PDE1C: variants seen among roughly 807,000 people sequenced by gnomAD.
PDE1C encodes the protein phosphodiesterase 1C, also known as dual specificity calcium/calmodulin-dependent 3',5'-cyclic nucleotide phosphodiesterase 1C.
In PDE1C, 62 loss-of-function variants were observed where a neutral mutation model predicts 93.1. The ratio of observed to expected loss-of-function variants is 0.67; its 90% CI spans 0.54 to 0.82. The LOEUF is 0.82. PDE1C is among the 40% of genes least tolerant of loss of function. The pLI, the probability that PDE1C is intolerant of heterozygous loss-of-function variation, is 0.00. For synonymous variants in PDE1C, 325 were observed against 310.1 expected, an observed-to-expected ratio of 1.05 and a Z score of -0.50; for missense variants, 742 against 884.6, an observed-to-expected ratio of 0.84 and a Z score of 2.04.
intron 16 of PDE1C, among the ~76,000 whole-genome samples, chr7:31,794,478 C>T (rs936814379): frequency 3.3e-5 from 5 of 151,954 alleles, no homozygotes; most frequent in African/African-American, 1.2e-4. Context: ...TTAGCATGTT[C>T]TTTCTTTCCA....
intron 1 of PDE1C, among the ~76,000 whole-genome samples, chr7:32,401,063 C>T (rs1784933799): frequency 6.6e-6 from 1 of 152,206 alleles, no homozygotes; most frequent in Non-Finnish European, 1.5e-5. Context: ...ATGGTCATAA[C>T]CTTCTTTGCA....
chr7:32,171,810 G>C (rs1197711654), intron 2 of PDE1C, among the ~76,000 whole-genome samples: 1 of 149,268 alleles, frequency 6.7e-6, no homozygotes, highest in Non-Finnish European at 1.5e-5. Flanking sequence ...CTTGGAAATA[G>C]AGGGACTAGC....
intron 2 of PDE1C, among the ~76,000 whole-genome samples, chr7:32,203,588 A>G (rs1315926250): frequency 6.6e-6 from 1 of 152,056 alleles, no homozygotes; most frequent in East Asian, 1.9e-4. Flanking sequence ...ATTTCCAAAA[A>G]TACCTGGATT....
At position 32,048,693 on chromosome 7, in the gene PDE1C, C is replaced by G. The variant is rs570535883; in HGVS notation, c.128+2861G>C. Among the ~76,000 whole-genome samples the G allele has an allele frequency of 1.1e-3, 173 of 152,178 alleles. 2 individuals carry two copies. The highest frequency in any genetic ancestry group is 0.011 in the Admixed American group (171 of 15,280). On this transcript the variant is annotated intron_variant, in intron 2 of 17. Transcript: ENST00000396191. ...AATTCCTGACCTGCAAAATTATGAG[C>G]AGAATAAAAGTTATTTTAAGCCACT...
intron 3 of PDE1C, among the ~76,000 whole-genome samples, chr7:32,115,871 C>T (rs1397734910): frequency 6.6e-5 from 10 of 152,154 alleles, no homozygotes; most frequent in Admixed American, 5.2e-4. Context: ...GGCAAGAATT[C>T]TACCCCCAGT....
intron 3 of PDE1C, among the ~76,000 whole-genome samples, chr7:32,159,658 G>A (rs1437651952): frequency 6.6e-6 from 1 of 152,144 alleles, no homozygotes; most frequent in African/African-American, 2.4e-5. Context: ...TAAGGGAGGA[G>A]AAGTAGAAAG....
chr7:31,988,833 A>G (rs535546511), intron 2 of PDE1C, among the ~76,000 whole-genome samples: 51 of 152,182 alleles, frequency 3.4e-4, no homozygotes, highest in African/African-American at 1.2e-3. Flanking sequence ...TGTCTCTACT[A>G]AAAATACAAA....
chr7:32,282,705 C>G (rs930897500), intron 1 of PDE1C, among the ~76,000 whole-genome samples: 1 of 151,204 alleles, frequency 6.6e-6, no homozygotes, highest in Non-Finnish European at 1.5e-5. Flanking sequence ...CTCAGCCTCC[C>G]GAGTAGCTGG....
At chr7:31,658,184 G>C in the PDE1C span, 1 of 1,190,978 alleles carries the variant, frequency 8.4e-7, no homozygotes, top group East Asian at 2.6e-5. Flanking sequence ...ATTTGTGTAA[G>C]GATATTCGTT....
chr7:32,210,950 C>T (rs1366517162), intron 1 of PDE1C, among the ~76,000 whole-genome samples: 1 of 152,196 alleles, frequency 6.6e-6, no homozygotes, highest in African/African-American at 2.4e-5. Context: ...GCGCGGGTGG[C>T]TCACGCCTGT....
At chr7:31,660,512 C>A in the PDE1C span, among the ~76,000 whole-genome samples, 22 of 85,798 alleles carry the variant, frequency 2.6e-4, 2 homozygotes, top group South Asian at 0.01. Context: ...GTGTTCCTCT[C>A]CCATTTTTTT....
chr7:32,226,424 G>A (rs1204284954), intron 1 of PDE1C, among the ~76,000 whole-genome samples: 1 of 152,188 alleles, frequency 6.6e-6, no homozygotes, highest in Non-Finnish European at 1.5e-5. Context: ...TTAATCTCTT[G>A]GACAAACACT....
chr7:31,753,695 C>A, intron 17 of PDE1C, 142 bp from the exon 18 acceptor site: 3 of 1,254,060 alleles, frequency 2.4e-6, no homozygotes, highest in Non-Finnish European at 2.1e-6. Context: ...TCCCTGGAAA[C>A]CTTATGGCAG....
chr7:32,201,719 C>T (rs1805025841), intron 2 of PDE1C, among the ~76,000 whole-genome samples: 1 of 152,200 alleles, frequency 6.6e-6, no homozygotes, highest in Non-Finnish European at 1.5e-5. Flanking sequence ...CCAGGAGCAG[C>T]ATGGGCAAAG....
chr7:32,363,526 A>G (rs1481563034), intron 1 of PDE1C, among the ~76,000 whole-genome samples: 3 of 152,250 alleles, frequency 2.0e-5, no homozygotes, highest in Admixed American at 1.3e-4. Flanking sequence ...GTCAGGCTGA[A>G]TCTCAAAATG....
At chr7:31,721,481 C>A in the PDE1C span, among the ~76,000 whole-genome samples, 1 of 152,140 alleles carries the variant, frequency 6.6e-6, no homozygotes, top group Non-Finnish European at 1.5e-5. Flanking sequence ...GTACTGGCTA[C>A]TGCATTGGGC....
intron 2 of PDE1C, among the ~76,000 whole-genome samples, chr7:31,884,103 T>C (rs1015493182): frequency 1.3e-5 from 2 of 152,156 alleles, no homozygotes; most frequent in African/African-American, 4.8e-5. Context: ...GAAGATTCAA[T>C]CAACTTCCTG....
intron 1 of PDE1C, among the ~76,000 whole-genome samples, chr7:32,321,961 C>T (rs1238946024): frequency 6.6e-6 from 1 of 152,132 alleles, no homozygotes. Flanking sequence ...TAAATGTGTG[C>T]TATGTGACAT....
At chr7:31,835,404 A>G (rs78111661) in intron 11 of PDE1C, among the ~76,000 whole-genome samples, 1,960 of 152,206 alleles carry the variant, frequency 0.013, 19 homozygotes, top group Non-Finnish European at 0.022. Context: ...TTCCCCCCAC[A>G]CCATGGAGTC....
Sources: gnomAD v4.1 joint callset for allele counts (sites outside exome capture counted in the v4.1 genomes callset) on GRCh38, gnomAD v4.1.1 for gene constraint, MANE v1.5 for transcripts, NCBI Gene and HGNC (gene_info 2026-07-23, HGNC 2026-07-21) for gene names.